Variants in SUCLG2 observed in about 807,000 individuals in gnomAD.
SUCLG2 encodes succinate--CoA ligase [GDP-forming] subunit beta, mitochondrial.
SUCLG2 carries 42 observed loss-of-function variants against 47.9 expected under a neutral mutation model. The observed-to-expected ratio is 0.88, with a 90% CI of 0.69 to 1.14. SUCLG2 has a LOEUF of 1.14. SUCLG2 is among the 50% of genes most tolerant of loss of function. The pLI is 0.00. For synonymous variants in SUCLG2, 195 were observed against 197.3 expected (o/e 0.99, Z 0.10); for missense variants, 571 against 525.9 (o/e 1.09, Z -0.84).
At chr3:67,593,569 A>G (rs1708224721) in intron 2 of SUCLG2, among the ~76,000 whole-genome samples, 1 of 152,166 alleles carries the variant, frequency 6.6e-6, no homozygotes, top group South Asian at 2.1e-4. Context: ...CCTCTCATTC[A>G]CACCACCATC....
chr3:67,652,065 T>C (rs1488495290), intron 1 of SUCLG2, among the ~76,000 whole-genome samples: 2 of 146,096 alleles, frequency 1.4e-5, no homozygotes, highest in Non-Finnish European at 3.0e-5. Flanking sequence ...ATGGGCTGAA[T>C]AAAAACTATA....
chr3:67,527,666 C>T lies in SUCLG2; in HGVS notation c.417+466G>A, dbSNP rs555675394. Among the ~76,000 whole-genome samples the T allele has an allele frequency of 4.6e-5, 7 of 152,196 alleles. No homozygotes were observed. In the South Asian group the frequency reaches 1.2e-3, roughly 27 times the overall value. On this transcript the variant is annotated intron_variant, in intron 4 of 10. Transcript: ENST00000307227. ...CAGCTGACCTTCCTAATGCAATATA[C>T]CCCCAGCAATAAAAATGGCTCAAAA... is the stretch of plus-strand genomic sequence containing the variant.
intron 2 of SUCLG2, among the ~76,000 whole-genome samples, chr3:67,533,474 T>C (rs1706454938): frequency 6.6e-6 from 1 of 152,170 alleles, no homozygotes; most frequent in South Asian, 2.1e-4. Flanking sequence ...GGCAATCACC[T>C]TCCCTGAGAG....
intron 9 of SUCLG2, 135 bp downstream of exon 9, chr3:67,495,663 A>AG (rs1260304800): frequency 9.0e-7 from 1 of 1,116,264 alleles, no homozygotes; most frequent in South Asian, 1.7e-5. Flanking sequence ...AAAAAAAAAA[A>AG]AAAAGATAGA....
At chr3:67,648,221 T>C (rs560331127) in intron 1 of SUCLG2, among the ~76,000 whole-genome samples, 10 of 152,270 alleles carry the variant, frequency 6.6e-5, no homozygotes, top group Non-Finnish European at 1.5e-4. Flanking sequence ...CCATAAGAAT[T>C]TGAACTCCGT....
rs1004518501 is a variant in SUCLG2 at position 67,495,381 on chromosome 3, G to A, written c.1062+417C>T. ...ATAAGACAGAAGTTGTGGGCTGGGC[G>A]CGGTGGCTCATGCCTGTAATTTCAG... On this transcript the variant is annotated intron_variant, in intron 9 of 10. Transcript: ENST00000307227. 7.9e-5 allele frequency among the ~76,000 whole-genome samples: 12 copies of A among 152,124 alleles called. No homozygotes were observed. In the South Asian group the frequency reaches 8.3e-4, roughly 11 times the overall value.
intron 9 of SUCLG2, among the ~76,000 whole-genome samples, chr3:67,462,141 C>T (rs1213226256): frequency 6.6e-6 from 1 of 152,134 alleles, no homozygotes; most frequent in Non-Finnish European, 1.5e-5. Context: ...CTTTAGGTCT[C>T]AGAAGCAAAC....
intron 9 of SUCLG2, among the ~76,000 whole-genome samples, chr3:67,406,329 C>G (rs1423646281): frequency 6.6e-6 from 1 of 152,062 alleles, no homozygotes; most frequent in African/African-American, 2.4e-5. Flanking sequence ...GCTAAGCCAG[C>G]AAGAAAGATT....
intron 9 of SUCLG2, among the ~76,000 whole-genome samples, chr3:67,409,836 T>G (rs1331761778): frequency 6.6e-6 from 1 of 152,186 alleles, no homozygotes; most frequent in Non-Finnish European, 1.5e-5. Context: ...TTAGGAATAC[T>G]GGTATAGCTT....
chr3:67,390,083 A>C (rs1702347533), intron 10 of SUCLG2, among the ~76,000 whole-genome samples: 1 of 152,224 alleles, frequency 6.6e-6, no homozygotes, highest in Admixed American at 6.5e-5. Context: ...TCTAAGTTTC[A>C]GGCACGCTGC....
At chr3:67,644,363 T>A (rs1701155671) in intron 1 of SUCLG2, among the ~76,000 whole-genome samples, 2 of 152,156 alleles carry the variant, frequency 1.3e-5, no homozygotes, top group South Asian at 4.1e-4. Flanking sequence ...TTATGCTAAA[T>A]GAAATAAGCC....
intron 2 of SUCLG2, among the ~76,000 whole-genome samples, chr3:67,578,584 C>T (rs1294971389): frequency 6.6e-6 from 1 of 152,032 alleles, no homozygotes; most frequent in Non-Finnish European, 1.5e-5. Context: ...GAAAGGAATG[C>T]AAAATGGGAT....
intron 9 of SUCLG2, among the ~76,000 whole-genome samples, chr3:67,438,206 G>C (rs1202216652): frequency 6.6e-6 from 1 of 152,182 alleles, no homozygotes; most frequent in Admixed American, 6.5e-5. Context: ...CAATGTACCA[G>C]AATCTTTGGG....
At chr3:67,557,247 C>G (rs1300422652) in intron 2 of SUCLG2, among the ~76,000 whole-genome samples, 1 of 152,148 alleles carries the variant, frequency 6.6e-6, no homozygotes, top group Non-Finnish European at 1.5e-5. Flanking sequence ...TTAAGAAATA[C>G]TAATATCACA....
At chr3:67,459,595 A>AT (rs1170689230) in intron 9 of SUCLG2, among the ~76,000 whole-genome samples, 1 of 152,250 alleles carries the variant, frequency 6.6e-6, no homozygotes, top group African/African-American at 2.4e-5. Context: ...GAACAGAACT[A>AT]TTGGAAGTAC....
intron 9 of SUCLG2, among the ~76,000 whole-genome samples, chr3:67,455,883 G>A (rs1339479709): frequency 6.6e-6 from 1 of 152,118 alleles, no homozygotes; most frequent in Non-Finnish European, 1.5e-5. Flanking sequence ...CCTGCCCTAA[G>A]GATATGTGGG....
At chr3:67,482,468 T>A (rs1165016861) in intron 9 of SUCLG2, among the ~76,000 whole-genome samples, 1 of 63,818 alleles carries the variant, frequency 1.6e-5, no homozygotes, top group Non-Finnish European at 3.3e-5. Context: ...GTTTCTATAC[T>A]TTTGTATTTT....
intron 1 of SUCLG2, among the ~76,000 whole-genome samples, chr3:67,634,290 T>C (rs1467397266): frequency 3.9e-5 from 6 of 152,132 alleles, no homozygotes; most frequent in Non-Finnish European, 8.8e-5. Context: ...CAAGAGTCTG[T>C]AGGACTCTTC....
intron 2 of SUCLG2, among the ~76,000 whole-genome samples, chr3:67,566,825 T>C (rs1707463823): frequency 6.6e-6 from 1 of 152,236 alleles, no homozygotes; most frequent in Non-Finnish European, 1.5e-5. Flanking sequence ...GTTTCCTTTA[T>C]AATTATAGAT....
Sources: allele counts gnomAD v4.1 joint callset (sites outside exome capture counted in the v4.1 genomes callset), GRCh38; gene constraint gnomAD v4.1.1; transcripts MANE v1.5; gene names NCBI Gene and HGNC (gene_info 2026-07-23, HGNC 2026-07-21).